Variants in ZNF407 observed in about 807,000 individuals in gnomAD.
The protein encoded by ZNF407 is zinc finger protein 407.
Under a neutral mutation model 131.2 loss-of-function variants are expected in ZNF407, and 17 were observed. The observed-to-expected ratio is 0.13, with a 90% confidence interval of 0.09 to 0.19. The LOEUF (loss-of-function observed/expected upper bound fraction) is 0.19, where lower values mean the gene tolerates loss of function less well. Ranked by LOEUF, ZNF407 falls within the 10% of genes least tolerant of loss-of-function variation. The pLI, the probability that ZNF407 is intolerant of heterozygous loss-of-function variation, is 1.00. For missense variants in ZNF407, 2,681 were observed against 2,830.6 expected (o/e 0.95, Z 1.20); for synonymous variants, 1,156 against 1,062.0 (o/e 1.09, Z -1.72).
At chr18:74,949,187 A>G (rs1972186746) in intron 8 of ZNF407, among the ~76,000 whole-genome samples, 1 of 152,248 alleles carries the variant, frequency 6.6e-6, no homozygotes, top group African/African-American at 2.4e-5. Context: ...CACATTTGAA[A>G]TAAATATTTA....
At chr18:74,883,775 GCTTTC>G (rs1337241357) in intron 6 of ZNF407, among the ~76,000 whole-genome samples, 1 of 152,172 alleles carries the variant, frequency 6.6e-6, no homozygotes, top group Admixed American at 6.5e-5. Context: ...TCATCCTCTG[GCTTTC>G]CTTATCAATG....
intron 3 of ZNF407, among the ~76,000 whole-genome samples, chr18:74,757,698 A>C (rs1027268703): frequency 1.3e-5 from 2 of 151,892 alleles, no homozygotes; most frequent in African/African-American, 4.8e-5. Flanking sequence ...TTCATTGTTT[A>C]TGTTTCACAT....
intron 4 of ZNF407, among the ~76,000 whole-genome samples, chr18:74,868,621 G>A (rs76072908): frequency 0.01 from 1,594 of 152,270 alleles, 19 homozygotes; most frequent in African/African-American, 0.036. Context: ...CGTCAGCATG[G>A]TTGGCTCACT....
intron 8 of ZNF407, among the ~76,000 whole-genome samples, chr18:75,032,981 T>A (rs1164313564): frequency 9.1e-6 from 1 of 110,132 alleles, no homozygotes; most frequent in East Asian, 3.1e-4. Context: ...GGGGGGAAGA[T>A]AGTATTAGAT....
intron 4 of ZNF407, among the ~76,000 whole-genome samples, chr18:74,836,592 G>A (rs945235728): frequency 6.6e-6 from 1 of 152,302 alleles, no homozygotes; most frequent in South Asian, 2.1e-4. Context: ...CTCAGAAGGA[G>A]GGTCGATGCC....
Position 74,621,546 on chromosome 18 carries a change from C to A in ZNF407, c.-53-9421C>A, listed in dbSNP as rs1021427235. Reference sequence around the variant, plus strand: ...CTCACTGGCTCTGAGTCGGAGGCCTCATTTCCTTCCCCCATGGGCCTCCCC... The same window carrying A: ...CTCACTGGCTCTGAGTCGGAGGCCTAATTTCCTTCCCCCATGGGCCTCCCC... On this transcript the variant is annotated intron_variant, in intron 1 of 8. Transcript: ENST00000299687. Among the ~76,000 whole-genome samples, 9 of 152,202 alleles carry A rather than the reference C, an allele frequency of 5.9e-5. 1 individual carries two copies. Among genetic ancestry groups the A allele is most frequent in the Admixed American group, 1.3e-4 (2 of 15,290 alleles).
chr18:74,717,443 CTT>C (rs1967921636), intron 3 of ZNF407, among the ~76,000 whole-genome samples: 1 of 152,158 alleles, frequency 6.6e-6, no homozygotes, highest in Admixed American at 6.5e-5. Context: ...ATAAAATTCA[CTT>C]ATTTCTCACA....
chr18:74,797,812 C>A (rs1441523260), intron 4 of ZNF407, among the ~76,000 whole-genome samples: 1 of 148,652 alleles, frequency 6.7e-6, no homozygotes, highest in East Asian at 1.9e-4. Flanking sequence ...AGCTGCAAGG[C>A]ATTTTTTTTT....
At chr18:74,647,607 T>A (rs1568145134) in intron 3 of ZNF407, among the ~76,000 whole-genome samples, 1 of 152,222 alleles carries the variant, frequency 6.6e-6, no homozygotes, top group Non-Finnish European at 1.5e-5. Flanking sequence ...AGTCCTTTAC[T>A]TTGTGGGTAC....
At chr18:75,051,897 G>A (rs899331789) in intron 8 of ZNF407, among the ~76,000 whole-genome samples, 7 of 152,156 alleles carry the variant, frequency 4.6e-5, no homozygotes, top group African/African-American at 1.7e-4. Context: ...ATAAGTGAAG[G>A]CCAGGTTCAT....
intron 3 of ZNF407, among the ~76,000 whole-genome samples, chr18:74,708,360 C>T (rs1967676344): frequency 6.6e-6 from 1 of 152,118 alleles, no homozygotes; most frequent in South Asian, 2.1e-4. Context: ...TAGGTTTATA[C>T]CATATAATTT....
chr18:74,762,422 A>G (rs1969116200), intron 3 of ZNF407, among the ~76,000 whole-genome samples: 1 of 152,192 alleles, frequency 6.6e-6, no homozygotes, highest in Non-Finnish European at 1.5e-5. Flanking sequence ...GAAGTATTAC[A>G]TACGGAAATC....
chr18:74,809,859 C>T (rs1200504552), intron 4 of ZNF407, among the ~76,000 whole-genome samples: 1 of 152,138 alleles, frequency 6.6e-6, no homozygotes, highest in African/African-American at 2.4e-5. Context: ...GTTAGCACCA[C>T]AGTAATGGGA....
chr18:75,062,073 TCTC>T (rs1204713546), intron 8 of ZNF407: 1 of 152,062 alleles, frequency 6.6e-6, no homozygotes, highest in Non-Finnish European at 1.5e-5. Context: ...AGCAACCTAT[TCTC>T]CTAACAGCCC....
intron 1 of ZNF407, among the ~76,000 whole-genome samples, chr18:74,605,802 C>T (rs1401198118): frequency 6.6e-6 from 1 of 152,104 alleles, no homozygotes; most frequent in Non-Finnish European, 1.5e-5. Context: ...CATTGGTATA[C>T]TAGAAAGGTA....
At chr18:74,708,467 T>C (rs187553432) in intron 3 of ZNF407, among the ~76,000 whole-genome samples, 86 of 152,368 alleles carry the variant, frequency 5.6e-4, no homozygotes, top group African/African-American at 2.0e-3. Context: ...AACTTCATTC[T>C]GACTTCTGCT....
chr18:74,866,807 TTTATTTTATTCATTATA>T (rs1305966176), intron 4 of ZNF407, among the ~76,000 whole-genome samples: 4 of 148,826 alleles, frequency 2.7e-5, no homozygotes, highest in South Asian at 2.1e-4. Flanking sequence ...ATTATATTAT[TTTATTTTATTCATTATA>T]TTATTTTATT....
chr18:74,657,151 A>T lies in ZNF407; in HGVS notation c.4802+16029A>T, dbSNP rs1235815487. Among the ~76,000 whole-genome samples the T allele has an allele frequency of 2.1e-5, 3 of 143,776 alleles. No homozygotes were observed. In the Admixed American group the frequency reaches 2.1e-4, roughly 10 times the overall value. 94.3% of individuals were successfully genotyped at this position (143,776 alleles called of 152,430 possible). A position where few individuals can be genotyped will look rare whatever the true frequency, so the allele number is the denominator to read the frequency against. On this transcript the variant is annotated intron_variant, in intron 3 of 8. Coordinates refer to ENST00000299687, the MANE Select transcript of ZNF407 (RefSeq NM_017757.3). ...GTTTGCTTACGTATTATTTTTCCAT[A>T]GTTGTTTGTATCTACAGTGGAAGGC...
At chr18:74,865,374 C>T (rs1282503822) in intron 4 of ZNF407, among the ~76,000 whole-genome samples, 2 of 152,098 alleles carry the variant, frequency 1.3e-5, no homozygotes, top group Non-Finnish European at 2.9e-5. Flanking sequence ...TTATTCTTTC[C>T]TTGCCCATAA....
Sources: allele counts gnomAD v4.1 joint callset (sites outside exome capture counted in the v4.1 genomes callset), GRCh38; gene constraint gnomAD v4.1.1; transcripts MANE v1.5; gene names NCBI Gene and HGNC (gene_info 2026-07-23, HGNC 2026-07-21).